The following STX8 variants were observed in gnomAD, a reference collection of about 807,000 sequenced individuals.
The protein encoded by STX8 is syntaxin 8.
A neutral mutation model predicts 37.5 loss-of-function variants in STX8; 23 were observed. The ratio of observed to expected loss-of-function variants is 0.61; its 90% CI spans 0.44 to 0.87. The LOEUF (loss-of-function observed/expected upper bound fraction) is 0.87. Ranked by LOEUF, STX8 falls within the 40% of genes least tolerant of loss-of-function variation. STX8 has a pLI of 0.00. For synonymous variants in STX8, 115 were observed against 99.1 expected (o/e 1.16, Z -0.95); for missense variants, 313 against 284.7 (o/e 1.10, Z -0.71).
At chr17:9,307,997 G>T (rs756003622) in intron 7 of STX8, among the ~76,000 whole-genome samples, 2 of 152,192 alleles carry the variant, frequency 1.3e-5, no homozygotes, top group Non-Finnish European at 2.9e-5. Flanking sequence ...CCAAGAAGAC[G>T]GAGGTTAGCG....
At chr17:9,407,276 G>A (rs1912834298) in intron 6 of STX8, among the ~76,000 whole-genome samples, 1 of 152,086 alleles carries the variant, frequency 6.6e-6, no homozygotes, top group East Asian at 1.9e-4. Context: ...GATCCCCCCT[G>A]CCTTGGCCTC....
intron 4 of STX8, among the ~76,000 whole-genome samples, chr17:9,534,102 T>TA (rs1319484530): frequency 2.6e-5 from 4 of 152,010 alleles, no homozygotes; most frequent in South Asian, 4.2e-4. Context: ...AAAGCCAAGA[T>TA]AAAAAAATGC....
intron 4 of STX8, among the ~76,000 whole-genome samples, chr17:9,532,238 AACCTAAAAACTT>A (rs1182691818): frequency 6.6e-6 from 1 of 152,166 alleles, no homozygotes; most frequent in African/African-American, 2.4e-5. Context: ...GAACATACAT[AACCTAAAAACTT>A]CGAATAGCTA....
At chr17:9,489,588 G>T (rs967602896) in intron 6 of STX8, among the ~76,000 whole-genome samples, 1 of 152,056 alleles carries the variant, frequency 6.6e-6, no homozygotes, top group African/African-American at 2.4e-5. Context: ...TCAGTTTGGT[G>T]GCTAGAGTCC....
chr17:9,552,640 A>G (rs1217420566), intron 3 of STX8, among the ~76,000 whole-genome samples: 1 of 148,824 alleles, frequency 6.7e-6, no homozygotes, highest in East Asian at 2.0e-4. Flanking sequence ...GAGAAAATTT[A>G]TTTATAGATT....
At chr17:9,541,404 T>C (rs907763043) in intron 4 of STX8, among the ~76,000 whole-genome samples, 8 of 152,124 alleles carry the variant, frequency 5.3e-5, no homozygotes, top group African/African-American at 1.4e-4. Context: ...ACAGAAGATC[T>C]CCGAAGCAAT....
intron 7 of STX8, among the ~76,000 whole-genome samples, chr17:9,326,129 C>A (rs1567784352): frequency 1.4e-5 from 2 of 145,462 alleles, no homozygotes; most frequent in Non-Finnish European, 3.1e-5. Context: ...TCCCTGTTTC[C>A]TTTTTTTTTT....
At chr17:9,430,995 G>A (rs147250542) in intron 6 of STX8, among the ~76,000 whole-genome samples, 2 of 150,818 alleles carry the variant, frequency 1.3e-5, no homozygotes, top group African/African-American at 4.9e-5. Context: ...CATCTCATTG[G>A]GTAGCAGGGG....
intron 6 of STX8, among the ~76,000 whole-genome samples, chr17:9,418,163 C>T (rs1398471867): frequency 6.6e-6 from 1 of 152,102 alleles, no homozygotes; most frequent in East Asian, 1.9e-4. Context: ...ACTGTGGAGT[C>T]TGATGCTAAT....
At chr17:9,441,727 G>C (rs1306335086) in intron 6 of STX8, among the ~76,000 whole-genome samples, 4 of 138,764 alleles carry the variant, frequency 2.9e-5, no homozygotes, top group Non-Finnish European at 6.1e-5. Context: ...CAAGGCTGGA[G>C]TGCAGTGGCG....
chr17:9,409,434 A>G (rs528366809), intron 6 of STX8, among the ~76,000 whole-genome samples: 4 of 152,312 alleles, frequency 2.6e-5, no homozygotes, highest in Non-Finnish European at 4.4e-5. Flanking sequence ...GTTAAATGAG[A>G]AGAATACAGC....
chr17:9,533,504 G>A (rs187419097), intron 4 of STX8, among the ~76,000 whole-genome samples: 2 of 152,180 alleles, frequency 1.3e-5, no homozygotes, highest in Non-Finnish European at 1.5e-5. Context: ...CACTTCAAAA[G>A]TACTTCTCCT....
At chr17:9,493,997 T>C (rs1805660811) in intron 5 of STX8, among the ~76,000 whole-genome samples, 1 of 63,098 alleles carries the variant, frequency 1.6e-5, no homozygotes, top group Non-Finnish European at 5.1e-5. Context: ...TGTTTTGTTT[T>C]TTTTTGTTTT....
intron 7 of STX8, among the ~76,000 whole-genome samples, chr17:9,377,173 G>A (rs1911622986): frequency 6.6e-6 from 1 of 152,126 alleles, no homozygotes; most frequent in Non-Finnish European, 1.5e-5. Flanking sequence ...ACATCTCAGG[G>A]ACCCTTGCCC....
chr17:9,537,707 A>T (rs1352775928), intron 4 of STX8, among the ~76,000 whole-genome samples: 2 of 152,214 alleles, frequency 1.3e-5, no homozygotes, highest in African/African-American at 4.8e-5. Context: ...TACTTATTAA[A>T]AATTGTGCTA....
chr17:9,456,343 A>G (rs73263557), intron 6 of STX8, among the ~76,000 whole-genome samples: 3,448 of 152,296 alleles, frequency 0.023, 106 homozygotes, highest in African/African-American at 0.065. Context: ...TTTGAAACCC[A>G]GAGGCAGTGA....
At chr17:9,503,330 G>C (rs535685862) in intron 5 of STX8, among the ~76,000 whole-genome samples, 1 of 152,114 alleles carries the variant, frequency 6.6e-6, no homozygotes, top group African/African-American at 2.4e-5. Flanking sequence ...ACAATAGGAA[G>C]AATTACAAAG....
At chr17:9,329,667 G>A (rs763454235) in intron 7 of STX8, among the ~76,000 whole-genome samples, 1 of 152,320 alleles carries the variant, frequency 6.6e-6, no homozygotes, top group East Asian at 1.9e-4. Context: ...GAGTCCCATC[G>A]GACCACTCAG....
intron 6 of STX8, among the ~76,000 whole-genome samples, chr17:9,409,386 C>T (rs1912907859): frequency 6.6e-6 from 1 of 152,056 alleles, no homozygotes; most frequent in South Asian, 2.1e-4. Flanking sequence ...GCACTGATTC[C>T]AGGACACTCA....
Sources: gnomAD v4.1 joint callset for allele counts (sites outside exome capture counted in the v4.1 genomes callset) on GRCh38, gnomAD v4.1.1 for gene constraint, MANE v1.5 for transcripts, NCBI Gene and HGNC (gene_info 2026-07-23, HGNC 2026-07-21) for gene names.